GBF1: variants seen among roughly 807,000 people sequenced by gnomAD.
GBF1 encodes the protein golgi brefeldin A resistant guanine nucleotide exchange factor 1.
GBF1 carries 114 observed loss-of-function variants against 210.5 expected under a neutral mutation model. The observed-to-expected ratio is 0.54, with a 90% confidence interval of 0.47 to 0.63. The LOEUF is 0.63. Among genes scored for constraint, GBF1 ranks in the 30% least tolerant of loss-of-function variants. The probability of loss-of-function intolerance (pLI) is 0.00; values close to 1 mark genes in which losing one functional copy is unlikely to be tolerated. For synonymous variants in GBF1, 850 were observed against 889.2 expected (o/e 0.96, Z 0.78); for missense variants, 1,851 against 2,357.7 (o/e 0.79, Z 4.45).
intron 3 of GBF1, among the ~76,000 whole-genome samples, chr10:102,335,221 C>T (rs972531436): frequency 1.1e-4 from 17 of 152,298 alleles, no homozygotes; most frequent in African/African-American, 4.1e-4. Flanking sequence ...GATTTCCCCT[C>T]CTTGTGCCCT....
chr10:102,290,210 T>C (rs921618634), intron 3 of GBF1, among the ~76,000 whole-genome samples: 13 of 152,202 alleles, frequency 8.5e-5, no homozygotes, highest in Non-Finnish European at 1.5e-4. Context: ...TTTTTTCCTC[T>C]TATTCATTTA....
chr10:102,372,422 G>A (rs2060264949), intron 29 of GBF1, among the ~76,000 whole-genome samples: 1 of 151,996 alleles, frequency 6.6e-6, no homozygotes, highest in Admixed American at 6.6e-5. Flanking sequence ...GGCTGAGGCA[G>A]GAGAATCACT....
chr10:102,315,308 C>A lies in GBF1; in HGVS notation c.164-28743C>A, dbSNP rs113965946. Among the ~76,000 whole-genome samples the A allele has an allele frequency of 4.2e-3, 636 of 152,316 alleles. 2 individuals are homozygous for A. The highest frequency in any genetic ancestry group is 6.8e-3 in the Middle Eastern group (2 of 294). ...AGGAGGTAAGTGGTGGGCGAGCAAGCATTACTGCCTGAGCTCTGCCTCCTG... is the reference window on the plus strand; with the variant it reads ...AGGAGGTAAGTGGTGGGCGAGCAAGAATTACTGCCTGAGCTCTGCCTCCTG... On this transcript the variant is annotated intron_variant, in intron 3 of 39. Coordinates refer to ENST00000369983, the MANE Select transcript of GBF1 (RefSeq NM_001377137.1).
intron 3 of GBF1, among the ~76,000 whole-genome samples, chr10:102,264,468 C>G (rs2073626436): frequency 6.6e-6 from 1 of 152,182 alleles, no homozygotes; most frequent in South Asian, 2.1e-4. Flanking sequence ...TGTATTTTCT[C>G]TATCCCCAAA....
chr10:102,366,582 CTCT>C lies in GBF1; in HGVS notation c.2433+78_2433+80del. The C allele has an allele frequency of 1.3e-5, 11 of 847,718 alleles. No homozygotes were observed. Among genetic ancestry groups the C allele is most frequent in the Admixed American group, 6.3e-5 (2 of 31,974 alleles). The allele number at this position is 847,718 out of a possible 1,614,324, so 52.5% of individuals were successfully genotyped here. A position where few individuals can be genotyped will look rare whatever the true frequency, so the allele number is the denominator to read the frequency against. ...GAGGGCTGAAGAATCCAGCTGCTGT[CTCT>C]TTTTTTTTTTTTTTTTTTTGAGACA... On this transcript the variant is annotated intron_variant, in intron 19 of 39. Coordinates refer to ENST00000369983, the MANE Select transcript of GBF1 (RefSeq NM_001377137.1). The surrounding 1 kb of genome is among the most constrained non-coding windows in gnomAD (Gnocchi z 4.0).
intron 12 of GBF1, 144 bp from the exon 13 acceptor site, chr10:102,360,878 G>A (rs1333282982): frequency 2.4e-5 from 15 of 634,716 alleles, no homozygotes; most frequent in Non-Finnish European, 4.2e-5. Context: ...GGGAGGCTGA[G>A]GAAGGAGAAT....
At chr10:102,329,964 G>A (rs1039739454) in intron 3 of GBF1, among the ~76,000 whole-genome samples, 6 of 152,186 alleles carry the variant, frequency 3.9e-5, no homozygotes, top group African/African-American at 1.4e-4. Flanking sequence ...TAAAAAATTA[G>A]CTGGGCATGG....
intron 5 of GBF1, among the ~76,000 whole-genome samples, chr10:102,351,635 A>G (rs1454386140): frequency 6.6e-6 from 1 of 152,232 alleles, no homozygotes; most frequent in Non-Finnish European, 1.5e-5. Flanking sequence ...TGTGCCGTCC[A>G]TCTCTTGGGC....
chr10:102,231,901 G>T, the GBF1 span: 3 of 1,559,804 alleles, frequency 1.9e-6, no homozygotes, highest in Non-Finnish European at 2.6e-6. Context: ...CCCAGCCGGG[G>T]TCCCACCCGC....
In GBF1 at chr10:102,259,070, G is replaced by C. The variant is rs374823887; in HGVS notation, c.96+36G>C. The C allele has an allele frequency of 6.9e-6, 7 of 1,009,286 alleles. No individual in the cohort carries two copies. The African/African-American group carries it at 1.1e-4, about 16-fold the overall frequency. 62.5% of individuals were successfully genotyped at this position (1,009,286 alleles called of 1,614,324 possible). On this transcript the variant is annotated intron_variant, in intron 2 of 39. Transcript: ENST00000369983. ...AATGGATAAATAGCCTGGTCACTAA[G>C]TTTTTATAGGGGATCTGTTGGCATG...
chr10:102,371,210 TA>T (rs1398239279), intron 29 of GBF1, among the ~76,000 whole-genome samples: 4 of 152,208 alleles, frequency 2.6e-5, no homozygotes, highest in African/African-American at 9.6e-5. Context: ...ATAGAACTAA[TA>T]AGTGGATTCA....
chr10:102,342,034 T>C (rs941752684), intron 3 of GBF1, among the ~76,000 whole-genome samples: 6 of 151,306 alleles, frequency 4.0e-5, no homozygotes, highest in Non-Finnish European at 7.4e-5. Flanking sequence ...CATTTTTTTA[T>C]GTACTTTTTT....
chr10:102,289,668 T>C (rs2076275725), intron 3 of GBF1, among the ~76,000 whole-genome samples: 1 of 152,220 alleles, frequency 6.6e-6, no homozygotes, highest in South Asian at 2.1e-4. Context: ...TAGTAGACAA[T>C]TCATAACTGG....
At chr10:102,377,340 T>A (rs1291136359) in intron 33 of GBF1, among the ~76,000 whole-genome samples, 200 bp downstream of exon 33, 2 of 70,194 alleles carry the variant, frequency 2.8e-5, no homozygotes, top group East Asian at 6.8e-4. Context: ...TATTTATTTT[T>A]ATTTTTATTT....
At chr10:102,292,349 C>G (rs373273799) in intron 3 of GBF1, among the ~76,000 whole-genome samples, 1 of 152,108 alleles carries the variant, frequency 6.6e-6, no homozygotes, top group South Asian at 2.1e-4. Context: ...AACGATCTCT[C>G]AAGTATGATG....
chr10:102,348,718 C>T (rs1180229666), intron 4 of GBF1, among the ~76,000 whole-genome samples: 1 of 152,210 alleles, frequency 6.6e-6, no homozygotes, highest in Non-Finnish European at 1.5e-5. Context: ...TCTAAAGTAA[C>T]TACTCCCAGT....
intron 3 of GBF1, among the ~76,000 whole-genome samples, chr10:102,283,133 A>G (rs926628273): frequency 1.3e-5 from 2 of 152,230 alleles, no homozygotes; most frequent in African/African-American, 4.8e-5. Context: ...CCTAAAAGGT[A>G]ACTTTTAAAG....
upstream of GBF1, among the ~76,000 whole-genome samples, chr10:102,241,627 C>G (rs1217224902): frequency 1.3e-5 from 2 of 152,252 alleles, no homozygotes; most frequent in Non-Finnish European, 1.5e-5. The surrounding 1 kb of genome is among the most constrained non-coding windows in gnomAD (Gnocchi z 6.7). Flanking sequence ...GGGCTCCGCC[C>G]TTTCCAGCTG....
chr10:102,315,115 A>G (rs1168062073), intron 3 of GBF1, among the ~76,000 whole-genome samples: 2 of 152,224 alleles, frequency 1.3e-5, no homozygotes, highest in South Asian at 2.1e-4. Flanking sequence ...GGAAATAACA[A>G]GAAATCTTTG....
Sources: gnomAD v4.1 joint callset for allele counts (sites outside exome capture counted in the v4.1 genomes callset) on GRCh38, gnomAD v4.1.1 for gene constraint, Gnocchi (gnomAD v3.1) non-coding constraint, MANE v1.5 for transcripts, NCBI Gene and HGNC (gene_info 2026-07-23, HGNC 2026-07-21) for gene names.